Variants in MEP1A observed in about 807,000 individuals in gnomAD.
MEP1A encodes meprin A subunit alpha.
In MEP1A, 68 loss-of-function variants were observed where a neutral mutation model predicts 84.5. That is an observed-to-expected ratio of 0.80 (90% CI 0.66 to 0.98). The LOEUF is 0.98. Ranked by LOEUF, MEP1A falls within the 50% of genes least tolerant of loss-of-function variation. MEP1A has a pLI of 0.00. For missense variants in MEP1A, 887 were observed against 919.9 expected, an observed-to-expected ratio of 0.96 and a Z score of 0.46; for synonymous variants, 337 against 336.8, an observed-to-expected ratio of 1.00 and a Z score of -0.01.
At chr6:46,835,130 C>T in intron 12 of MEP1A, 119 bp from the exon 13 acceptor site, 2 of 870,392 alleles carry the variant, frequency 2.3e-6, no homozygotes, top group Non-Finnish European at 3.5e-6. Flanking sequence ...AGCCACTTTT[C>T]CATGTCACTA....
At chr6:46,826,917 T>C (rs1416127369) in intron 9 of MEP1A, among the ~76,000 whole-genome samples, 1 of 152,160 alleles carries the variant, frequency 6.6e-6, no homozygotes, top group South Asian at 2.1e-4. Flanking sequence ...AACCGTGAAA[T>C]TAATTGTAAT....
chr6:46,830,086 A>G (rs1768045495), intron 10 of MEP1A, among the ~76,000 whole-genome samples: 1 of 151,858 alleles, frequency 6.6e-6, no homozygotes, highest in Non-Finnish European at 1.5e-5. Context: ...CGTCTCTACT[A>G]AAAATGCAAA....
chr6:46,824,800 T>A (rs1348402553), intron 7 of MEP1A, among the ~76,000 whole-genome samples: 1 of 113,490 alleles, frequency 8.8e-6, no homozygotes. Context: ...TTTAAATATA[T>A]ATAAATGATG....
intron 13 of MEP1A, among the ~76,000 whole-genome samples, chr6:46,838,395 T>G (rs1768263850): frequency 6.6e-6 from 1 of 152,238 alleles, no homozygotes; most frequent in South Asian, 2.1e-4. Flanking sequence ...GGCCATTATG[T>G]GCTTACTCTG....
Position 46,829,558 on chromosome 6 carries a change from G to A in MEP1A, c.1131G>A (p.Val377=). The A allele has an allele frequency of 1.9e-6, 3 of 1,613,796 alleles. No homozygotes were observed. Among genetic ancestry groups the A allele is most frequent in the South Asian group, 2.2e-5 (2 of 91,066 alleles). The part of the protein sequence containing the change: ...STGNVRKLVK[V]QTFQGDDDHN... ...GCAATGTTCGCAAGTTGGTGAAGGTGCAGACTTTTCAAGGTACTTAGAGGC... is the reference window on the plus strand; with the variant it reads ...GCAATGTTCGCAAGTTGGTGAAGGTACAGACTTTTCAAGGTACTTAGAGGC... Residue 377 remains valine (V), a synonymous_variant, in exon 10 of 14, where the codon GTG becomes GTA. Coordinates refer to ENST00000230588, the MANE Select transcript of MEP1A (RefSeq NM_005588.3).
intron 3 of MEP1A, 75 bp from the exon 4 acceptor site, chr6:46,798,531 T>G (rs1767117777): frequency 8.4e-7 from 1 of 1,193,308 alleles, no homozygotes; most frequent in African/African-American, 1.5e-5. Flanking sequence ...TGGCAAATAC[T>G]AATTTTATTA....
chr6:46,797,828 T>TTCTTTCTTTCTC (rs1177477810), intron 3 of MEP1A, among the ~76,000 whole-genome samples: 3 of 118,228 alleles, frequency 2.5e-5, no homozygotes, highest in Non-Finnish European at 3.8e-5. Context: ...CTTTCTTTCT[T>TTCTTTCTTTCTC]TCTTTCTTTC....
intron 3 of MEP1A, among the ~76,000 whole-genome samples, chr6:46,795,515 G>T (rs1194492110): frequency 6.6e-6 from 1 of 152,076 alleles, no homozygotes; most frequent in Non-Finnish European, 1.5e-5. Context: ...TGGCTAGGCT[G>T]GTCTTGAACT....
rs192020191 is a variant in MEP1A, at chr6:46,807,261, G to T, written c.263-2159G>T. Among the ~76,000 whole-genome samples the T allele has an allele frequency of 1.5e-3, 227 of 151,904 alleles. 1 individual carries two copies. Among genetic ancestry groups the T allele is most frequent in the Non-Finnish European group, 2.7e-3 (184 of 67,914 alleles). ...AGTGGTTTTCAAAACTAACTTGTTT[G>T]ACACAGAACTATGTACAACTTACTA... On this transcript the variant is annotated intron_variant, in intron 5 of 13. Transcript: ENST00000230588.
chr6:46,819,412 G>T, intron 6 of MEP1A, 117 bp from the exon 7 acceptor site: 1 of 778,562 alleles, frequency 1.3e-6, no homozygotes, highest in Non-Finnish European at 2.0e-6. Flanking sequence ...GAATGCTGTT[G>T]GTAATTTCTT....
At chr6:46,795,192 G>A (rs933161882) in intron 3 of MEP1A, among the ~76,000 whole-genome samples, 6 of 151,934 alleles carry the variant, frequency 3.9e-5, no homozygotes, top group African/African-American at 7.3e-5. Flanking sequence ...CTAGATTTTC[G>A]GCTCAGAATG....
chr6:46,843,134 G>A (rs1768362496), downstream of MEP1A, among the ~76,000 whole-genome samples: 1 of 152,160 alleles, frequency 6.6e-6, no homozygotes, highest in African/African-American at 2.4e-5. Flanking sequence ...ATTTTGAGGT[G>A]GGTATTCTTT....
chr6:46,837,357 G>A (rs35845382), intron 13 of MEP1A, among the ~76,000 whole-genome samples: 118 of 152,266 alleles, frequency 7.7e-4, no homozygotes, highest in Middle Eastern at 3.4e-3. Flanking sequence ...GCTCTTCCAG[G>A]TTGGCTCCTG....
chr6:46,838,990 G>C lies in MEP1A; in HGVS notation c.2095G>C (p.Gly699Arg). 1 of 1,612,554 alleles carries C rather than the reference G, an allele frequency of 6.2e-7. No homozygotes were observed. Among genetic ancestry groups the C allele is most frequent in the South Asian group, 1.1e-5 (1 of 90,932 alleles). ...KGMASCRCISGHAFFYTGERC... is the reference protein window; with the variant it reads ...KGMASCRCISRHAFFYTGERC... ...GTCCTTTTCCCTCAGGTGCATCTCT[G>C]GACATGCTTTCTTCTACACGGGGGA... Residue 699 changes from glycine (G) to arginine (R), a missense_variant, in exon 14 of 14, where the codon GGA becomes CGA. Coordinates refer to ENST00000230588, the MANE Select transcript of MEP1A (RefSeq NM_005588.3).
rs1404326357 is a variant in MEP1A, at chr6:46,793,594, T to C, written c.94+18T>C. 2.6e-6 allele frequency: 4 copies of C among 1,558,698 alleles called. No homozygotes were observed. The highest frequency in any genetic ancestry group is 4.5e-5 in the East Asian group (2 of 44,292). ...AGAAAATGGTAAGAATTAGTTCAAATGCACAGAGAGTGTTTTTGAACTTTT... is the reference window on the plus strand; with the variant it reads ...AGAAAATGGTAAGAATTAGTTCAAACGCACAGAGAGTGTTTTTGAACTTTT... On this transcript the variant is annotated intron_variant, in intron 2 of 13. Transcript: ENST00000230588.
At chr6:46,817,938 T>A (rs1767681034) in intron 6 of MEP1A, among the ~76,000 whole-genome samples, 2 of 152,330 alleles carry the variant, frequency 1.3e-5, no homozygotes, top group Admixed American at 6.5e-5. Flanking sequence ...ACTGGTCTCC[T>A]GAAGTTGGAG....
At chr6:46,831,853 G>A (rs980747640) in intron 10 of MEP1A, among the ~76,000 whole-genome samples, 7 of 152,132 alleles carry the variant, frequency 4.6e-5, no homozygotes, top group East Asian at 3.9e-4. Flanking sequence ...GCAGGAGAGG[G>A]CAGCTGCCTA....
At position 46,833,168 on chromosome 6, in the gene MEP1A, G is replaced by A. The variant is rs1768114961; in HGVS notation, c.1239G>A (p.Gln413=). 1.9e-6 allele frequency: 3 copies of A among 1,604,242 alleles called. No homozygotes were observed. The South Asian group carries it at 3.4e-5, about 18-fold the overall frequency. The change falls in exon 11 of 14, where the codon CAG becomes CAA. Residue 413 remains glutamine, a synonymous_variant. Transcript: ENST00000230588. ...TCCAGGGCACAAAAGGCGACCCTCA[G>A]AACTCAACTGGGGGAATTTACCTAG... ...YLFQGTKGDP[Q]NSTGGIYLDD...
intron 5 of MEP1A, among the ~76,000 whole-genome samples, chr6:46,799,751 A>T (rs1040601432): frequency 6.6e-6 from 1 of 152,192 alleles, no homozygotes; most frequent in African/African-American, 2.4e-5. Flanking sequence ...CTTTTAGCTA[A>T]GGTTGCATAT....
Sources: allele counts gnomAD v4.1 joint callset (sites outside exome capture counted in the v4.1 genomes callset), GRCh38; gene constraint gnomAD v4.1.1; transcripts MANE v1.5; gene names NCBI Gene and HGNC (gene_info 2026-07-23, HGNC 2026-07-21).